ARHGAP24: variants seen among roughly 807,000 people sequenced by gnomAD.
ARHGAP24 encodes rho GTPase-activating protein 24.
In ARHGAP24, 50 loss-of-function variants were observed where a neutral mutation model predicts 76.4. That is an observed-to-expected ratio of 0.65 (90% CI 0.52 to 0.83). The LOEUF is 0.83. Among genes scored for constraint, ARHGAP24 ranks in the 40% least tolerant of loss-of-function variants. The probability of loss-of-function intolerance (pLI) is 0.00; values close to 1 mark genes in which losing one functional copy is unlikely to be tolerated. For synonymous variants in ARHGAP24, 345 were observed against 323.3 expected, an observed-to-expected ratio of 1.07 and a Z score of -0.72; for missense variants, 930 against 914.2, an observed-to-expected ratio of 1.02 and a Z score of -0.22.
intron 3 of ARHGAP24, among the ~76,000 whole-genome samples, chr4:85,743,730 C>T (rs762581005): frequency 6.6e-6 from 1 of 151,638 alleles, no homozygotes; most frequent in Non-Finnish European, 1.5e-5. Flanking sequence ...CAAGTTAGCA[C>T]AAGAGTGCAA....
At chr4:85,755,497 G>A (rs1726441702) in intron 3 of ARHGAP24, among the ~76,000 whole-genome samples, 1 of 152,082 alleles carries the variant, frequency 6.6e-6, no homozygotes, top group Non-Finnish European at 1.5e-5. Flanking sequence ...ATTCTTCAGT[G>A]ACTGAAGAGC....
At chr4:85,788,005 C>T (rs968698563) in intron 3 of ARHGAP24, among the ~76,000 whole-genome samples, 4 of 152,112 alleles carry the variant, frequency 2.6e-5, no homozygotes, top group African/African-American at 9.7e-5. Context: ...CAGGTTAACC[C>T]CATGCCCTAA....
chr4:85,610,284 A>G (rs1720335618), intron 2 of ARHGAP24, among the ~76,000 whole-genome samples: 1 of 151,776 alleles, frequency 6.6e-6, no homozygotes, highest in Non-Finnish European at 1.5e-5. Context: ...TCTACTAAAA[A>G]TCCAAAAAAA....
chr4:85,952,095 C>T (rs114704519), intron 5 of ARHGAP24, among the ~76,000 whole-genome samples: 10 of 152,162 alleles, frequency 6.6e-5, no homozygotes, highest in African/African-American at 2.4e-4. Context: ...TAAAATTCGA[C>T]ACTCCAGAGA....
At chr4:85,946,877 T>C (rs879789773) in intron 5 of ARHGAP24, among the ~76,000 whole-genome samples, 69 of 152,330 alleles carry the variant, frequency 4.5e-4, no homozygotes, top group Admixed American at 5.2e-4. Context: ...GAATAGTGGT[T>C]CAACTCTCAC....
intron 5 of ARHGAP24, among the ~76,000 whole-genome samples, chr4:85,956,953 G>T (rs1737951304): frequency 6.6e-6 from 1 of 152,202 alleles, no homozygotes; most frequent in Non-Finnish European, 1.5e-5. Flanking sequence ...TCAAATGCCT[G>T]GGTTTATATC....
chr4:85,654,049 A>G (rs1464534945), intron 2 of ARHGAP24, among the ~76,000 whole-genome samples: 1 of 152,168 alleles, frequency 6.6e-6, no homozygotes, highest in Non-Finnish European at 1.5e-5. Flanking sequence ...AAAATACACT[A>G]GTCATTTAAA....
intron 3 of ARHGAP24, among the ~76,000 whole-genome samples, chr4:85,744,236 T>C (rs1725941531): frequency 6.6e-6 from 1 of 152,230 alleles, no homozygotes; most frequent in Non-Finnish European, 1.5e-5. Flanking sequence ...TTGAGTACTT[T>C]ACTTGTAATA....
At chr4:85,742,095 T>C (rs550901715) in intron 3 of ARHGAP24, among the ~76,000 whole-genome samples, 24 of 152,276 alleles carry the variant, frequency 1.6e-4, no homozygotes, top group Non-Finnish European at 3.1e-4. Context: ...CCCAGGCCAA[T>C]TGCCATGTGA....
At chr4:85,583,122 C>T (rs751605606) in intron 2 of ARHGAP24, among the ~76,000 whole-genome samples, 2 of 152,134 alleles carry the variant, frequency 1.3e-5, no homozygotes, top group African/African-American at 2.4e-5. Flanking sequence ...AGCAATATTA[C>T]TGAGCTCAGA....
intron 5 of ARHGAP24, among the ~76,000 whole-genome samples, chr4:85,952,602 T>C (rs1737680514): frequency 6.6e-6 from 1 of 152,230 alleles, no homozygotes; most frequent in Admixed American, 6.5e-5. Context: ...TGGATGAGCC[T>C]TTATTAAGCC....
At chr4:85,682,552 A>G (rs1560583534) in intron 2 of ARHGAP24, among the ~76,000 whole-genome samples, 1 of 152,224 alleles carries the variant, frequency 6.6e-6, no homozygotes, top group Non-Finnish European at 1.5e-5. Flanking sequence ...AGCCAGCAAG[A>G]AGAGAGATGA....
At chr4:85,971,905 C>T in intron 5 of ARHGAP24, 131 bp from the exon 6 acceptor site, 1 of 1,295,334 alleles carries the variant, frequency 7.7e-7, no homozygotes, top group South Asian at 1.3e-5. Flanking sequence ...AATGAGTGCT[C>T]TCTGAAAACT....
intron 2 of ARHGAP24, among the ~76,000 whole-genome samples, chr4:85,606,538 G>A (rs1455091946): frequency 6.6e-6 from 1 of 151,510 alleles, no homozygotes; most frequent in Admixed American, 6.6e-5. Context: ...AAAGAAAAAG[G>A]ATAAGATAAA....
At chr4:85,510,515 C>G (rs1724234245) in intron 1 of ARHGAP24, among the ~76,000 whole-genome samples, 1 of 149,454 alleles carries the variant, frequency 6.7e-6, no homozygotes, top group Non-Finnish European at 1.5e-5. Flanking sequence ...TCCCCTCTCC[C>G]CCTCACTCTC....
chr4:85,803,676 G>A (rs1215875980), intron 3 of ARHGAP24, among the ~76,000 whole-genome samples: 3 of 152,192 alleles, frequency 2.0e-5, no homozygotes, highest in South Asian at 4.1e-4. Context: ...AGGTTAATTA[G>A]TTAGGGGGCA....
chr4:85,699,066 A>C (rs1020835916), intron 2 of ARHGAP24, among the ~76,000 whole-genome samples: 1 of 152,208 alleles, frequency 6.6e-6, no homozygotes, highest in Non-Finnish European at 1.5e-5. Context: ...TAGGACTTCA[A>C]CATATGAATT....
intron 2 of ARHGAP24, among the ~76,000 whole-genome samples, chr4:85,615,014 C>T (rs1330499006): frequency 6.6e-6 from 1 of 152,000 alleles, no homozygotes; most frequent in Non-Finnish European, 1.5e-5. Flanking sequence ...TAACTTGTCA[C>T]TGTATTTAAT....
chr4:85,574,783 T>C (rs188484135), intron 2 of ARHGAP24, among the ~76,000 whole-genome samples: 1 of 152,230 alleles, frequency 6.6e-6, no homozygotes, highest in East Asian at 1.9e-4. Flanking sequence ...TTTATTGCTA[T>C]GAGAACACAC....
Sources: allele counts gnomAD v4.1 joint callset (sites outside exome capture counted in the v4.1 genomes callset), GRCh38; gene constraint gnomAD v4.1.1; transcripts MANE v1.5; gene names NCBI Gene and HGNC (gene_info 2026-07-23, HGNC 2026-07-21).